Variants in LARS2 observed in about 807,000 individuals in gnomAD.
The protein encoded by LARS2 is leucyl-tRNA synthetase 2, mitochondrial, also known as leucine--tRNA ligase, mitochondrial.
LARS2 carries 81 observed loss-of-function variants against 116.6 expected under a neutral mutation model. The observed-to-expected ratio is 0.69, with a 90% confidence interval of 0.58 to 0.84. The LOEUF (loss-of-function observed/expected upper bound fraction) is 0.84. Ranked by LOEUF, LARS2 falls within the 40% of genes least tolerant of loss-of-function variation. The probability of loss-of-function intolerance (pLI) is 0.00; values close to 1 mark genes in which losing one functional copy is unlikely to be tolerated. For synonymous variants in LARS2, 396 were observed against 407.2 expected, an observed-to-expected ratio of 0.97 and a Z score of 0.33; for missense variants, 968 against 1,114.5, an observed-to-expected ratio of 0.87 and a Z score of 1.87.
chr3:45,531,425 T>TGGAGTA (rs1700612419), intron 20 of LARS2, among the ~76,000 whole-genome samples: 2 of 152,194 alleles, frequency 1.3e-5, no homozygotes, highest in Non-Finnish European at 2.9e-5. Flanking sequence ...TTGTCCAGGC[T>TGGAGTA]GGAGTACAGA....
chr3:45,509,885 A>G (rs1482248849), intron 15 of LARS2, among the ~76,000 whole-genome samples: 1 of 151,756 alleles, frequency 6.6e-6, no homozygotes, highest in African/African-American at 2.4e-5. Context: ...GGATCTTTCA[A>G]TGCACCCCTC....
chr3:45,537,709 G>T (rs1700728524), intron 20 of LARS2, among the ~76,000 whole-genome samples: 1 of 152,186 alleles, frequency 6.6e-6, no homozygotes, highest in African/African-American at 2.4e-5. Context: ...CCCCTGGTGT[G>T]TCTATGAGTG....
rs1002085245 is a variant in LARS2 at position 45,514,112 on chromosome 3, A to G, written c.1861+877A>G. On this transcript the variant is annotated intron_variant, in intron 16 of 21. Transcript: ENST00000645846. ...TCCCAGCTACTCAGGAGGCTGAGGC[A>G]GGAGAATCACTTGAACCCAGGAGGT... Among the ~76,000 whole-genome samples the G allele has an allele frequency of 3.3e-5, 5 of 152,230 alleles. 1 individual carries two copies. Among genetic ancestry groups the G allele is most frequent in the African/African-American group, 4.8e-5 (2 of 41,548 alleles).
intron 15 of LARS2, among the ~76,000 whole-genome samples, chr3:45,502,218 A>G (rs1451861291): frequency 6.6e-6 from 1 of 151,948 alleles, no homozygotes; most frequent in African/African-American, 2.4e-5. Context: ...TTTGTATCCT[A>G]TGCTTTTATT....
At chr3:45,475,404 C>T (rs1322031559) in intron 9 of LARS2, among the ~76,000 whole-genome samples, 1 of 152,218 alleles carries the variant, frequency 6.6e-6, no homozygotes, top group African/African-American at 2.4e-5. Flanking sequence ...TGAGCTTTTC[C>T]TCTTACCGCT....
At chr3:45,519,809 G>T (rs995971142) in intron 18 of LARS2, 2 of 168,106 alleles carry the variant, frequency 1.2e-5, no homozygotes, top group Non-Finnish European at 2.5e-5. Context: ...CACCACACCC[G>T]GCTAATTTTT....
At chr3:45,414,477 G>A (rs957946114) in intron 4 of LARS2, among the ~76,000 whole-genome samples, 1 of 152,116 alleles carries the variant, frequency 6.6e-6, no homozygotes, top group Non-Finnish European at 1.5e-5. Flanking sequence ...TCTGATATGC[G>A]TGTGTGGTGA....
intron 8 of LARS2, among the ~76,000 whole-genome samples, chr3:45,460,601 G>A (rs1699300371): frequency 6.6e-6 from 1 of 152,156 alleles, no homozygotes; most frequent in Non-Finnish European, 1.5e-5. Flanking sequence ...CAGATGTATT[G>A]AAAAAACTGT....
In LARS2 at chr3:45,548,913, C is replaced by T. The variant is rs986127318; in HGVS notation, c.*1383C>T. ...TTAATTACAAACAGATTGAGGTATT[C>T]CATCATCATCGGAAGCATTGGCTGT... On this transcript the variant is annotated 3_prime_UTR_variant, in exon 22 of 22. Coordinates refer to ENST00000645846, the MANE Select transcript of LARS2 (RefSeq NM_015340.4). 15 of 152,154 alleles carry T rather than the reference C, an allele frequency of 9.9e-5. No individual in the cohort carries two copies. The highest frequency in any genetic ancestry group is 6.5e-4 in the Admixed American group (10 of 15,276). The allele number at this position is 152,154 out of a possible 1,614,324, so 9.4% of individuals were successfully genotyped here.
At chr3:45,456,866 C>T (rs1162689801) in intron 7 of LARS2, among the ~76,000 whole-genome samples, 2 of 152,222 alleles carry the variant, frequency 1.3e-5, no homozygotes, top group African/African-American at 4.8e-5. Context: ...CCACAAATTA[C>T]AACCCACAGA....
At chr3:45,419,953 AG>A (rs1396685143) in intron 6 of LARS2, among the ~76,000 whole-genome samples, 2 of 152,166 alleles carry the variant, frequency 1.3e-5, no homozygotes, top group African/African-American at 4.8e-5. Context: ...TTAACTTTGG[AG>A]TTGGCTATGA....
chr3:45,415,967 C>T (rs1187552529), intron 4 of LARS2, among the ~76,000 whole-genome samples: 1 of 147,400 alleles, frequency 6.8e-6, no homozygotes, highest in Non-Finnish European at 1.5e-5. Flanking sequence ...GGGCTTAGTC[C>T]AAAGCCTTAC....
chr3:45,513,256 C>G, intron 16 of LARS2, 21 bp downstream of exon 16: 1 of 1,484,022 alleles, frequency 6.7e-7, no homozygotes, highest in Non-Finnish European at 9.4e-7. Flanking sequence ...CCCATCTGGT[C>G]CCATCCAGGT....
At chr3:45,476,812 A>G (rs1444987984) in intron 10 of LARS2, among the ~76,000 whole-genome samples, 185 bp downstream of exon 10, 3 of 152,036 alleles carry the variant, frequency 2.0e-5, no homozygotes, top group Admixed American at 2.0e-4. Flanking sequence ...TATTTTTATT[A>G]CCTCTGGTTT....
chr3:45,505,726 G>A (rs1035973346), intron 15 of LARS2, among the ~76,000 whole-genome samples: 2 of 151,962 alleles, frequency 1.3e-5, no homozygotes, highest in Admixed American at 6.6e-5. Flanking sequence ...TCTTATGTAG[G>A]TCTGGAAACA....
chr3:45,543,456 T>A (rs143268262), intron 21 of LARS2, among the ~76,000 whole-genome samples: 2,659 of 148,296 alleles, frequency 0.018, 67 homozygotes, highest in African/African-American at 0.059. Flanking sequence ...CAGAATTTTT[T>A]TTTTTTATTT....
intron 4 of LARS2, among the ~76,000 whole-genome samples, chr3:45,403,990 CATA>C (rs1463242856): frequency 6.6e-6 from 1 of 152,132 alleles, no homozygotes; most frequent in Admixed American, 6.5e-5. Context: ...ATAATAATCC[CATA>C]ATAAGTGACA....
At chr3:45,533,474 G>A (rs1001207980) in intron 20 of LARS2, among the ~76,000 whole-genome samples, 2 of 152,164 alleles carry the variant, frequency 1.3e-5, no homozygotes, top group African/African-American at 4.8e-5. Flanking sequence ...GTAGCCTGCT[G>A]TTAATTCTGT....
intron 12 of LARS2, among the ~76,000 whole-genome samples, chr3:45,490,453 T>G (rs1213002607): frequency 1.3e-5 from 2 of 152,186 alleles, no homozygotes; most frequent in African/African-American, 4.8e-5. Flanking sequence ...AGAAGGAGAA[T>G]GGCTGGGGAA....
Sources: allele counts gnomAD v4.1 joint callset (sites outside exome capture counted in the v4.1 genomes callset), GRCh38; gene constraint gnomAD v4.1.1; transcripts MANE v1.5; gene names NCBI Gene and HGNC (gene_info 2026-07-23, HGNC 2026-07-21).